NOB1: variants seen among roughly 807,000 people sequenced by gnomAD.
NOB1 encodes the protein RNA-binding protein NOB1.
Under a neutral mutation model 44.8 loss-of-function variants are expected in NOB1, and 44 were observed. That is an observed-to-expected ratio of 0.98 (90% CI 0.77 to 1.26). The LOEUF is 1.26. Among genes scored for constraint, NOB1 ranks in the 50% most tolerant of loss-of-function variants. The pLI, the probability that NOB1 is intolerant of heterozygous loss-of-function variation, is 0.00. For synonymous variants in NOB1, 238 were observed against 218.7 expected (o/e 1.09, Z -0.78); for missense variants, 560 against 544.8 (o/e 1.03, Z -0.28).
intron 2 of NOB1, among the ~76,000 whole-genome samples, chr16:69,753,995 G>A (rs1214487898): frequency 6.6e-6 from 1 of 152,154 alleles, no homozygotes; most frequent in South Asian, 2.1e-4. Flanking sequence ...AGTAGAGGCA[G>A]GGTTTCACCA....
Position 69,748,259 on chromosome 16 carries a change from T to C in NOB1, c.797A>G (p.Tyr266Cys), listed in dbSNP as rs2151753747. 2 of 1,614,006 alleles carry C rather than the reference T, an allele frequency of 1.2e-6. No homozygotes were observed. The highest frequency in any genetic ancestry group is 2.2e-5 in the East Asian group (1 of 44,882). The change falls in exon 7 of 9, where the codon TAC (tyrosine) becomes TGC (cysteine). Residue 266 changes from tyrosine to cysteine, a missense_variant. Transcript: ENST00000268802. ...NGMLIREARS[Y>C]ILRCHGCFKT... ...GAAACAGCCATGGCAGCGCAAGATG[T>C]AGCTCCGGGCCTCACGAATCAGCAT...
chr16:69,752,171 T>C, intron 3 of NOB1, 70 bp downstream of exon 3: 1 of 1,471,760 alleles, frequency 6.8e-7, no homozygotes, highest in East Asian at 2.3e-5. Context: ...ATTACACTAG[T>C]CCTTCTACTT....
At chr16:69,748,456 G>C in intron 6 of NOB1, 127 bp from the exon 7 acceptor site, 1 of 771,930 alleles carries the variant, frequency 1.3e-6, no homozygotes. Context: ...AACTCAGCCT[G>C]GGGAGGCCTC....
At chr16:69,752,167 C>T in intron 3 of NOB1, 74 bp downstream of exon 3, 1 of 1,441,588 alleles carries the variant, frequency 6.9e-7, no homozygotes, top group Non-Finnish European at 9.7e-7. Flanking sequence ...GTCCATTACA[C>T]TAGTCCTTCT....
At position 69,747,857 on chromosome 16, in the gene NOB1, T is replaced by C. The variant is rs146361714; in HGVS notation, c.824+375A>G. Among the ~76,000 whole-genome samples, 732 of 152,090 alleles carry C rather than the reference T, an allele frequency of 4.8e-3. 10 individuals carry two copies. The highest frequency in any genetic ancestry group is 0.017 in the African/African-American group (694 of 41,474). ...GTAGGGTTCTCTTTAAACAAGTCTG[T>C]AGAAGAAACAGGAATAGTGGCCAGG... On this transcript the variant is annotated intron_variant, in intron 7 of 8. Coordinates refer to ENST00000268802, the MANE Select transcript of NOB1 (RefSeq NM_014062.3).
intron 6 of NOB1, chr16:69,748,649 G>A (rs1039735343): frequency 3.8e-6 from 2 of 529,474 alleles, no homozygotes; most frequent in African/African-American, 3.8e-5. Context: ...GAACCTGACT[G>A]ACCACATGGC....
intron 3 of NOB1, among the ~76,000 whole-genome samples, chr16:69,751,749 C>T (rs1050053666): frequency 9.9e-5 from 15 of 152,124 alleles, no homozygotes; most frequent in Admixed American, 9.8e-4. Context: ...AAATAGTATA[C>T]GATGTCTGAG....
In NOB1 at chr16:69,752,138, G is replaced by A; in HGVS notation, c.327+103C>T. 3 of 1,011,390 alleles carry A rather than the reference G, an allele frequency of 3.0e-6. No individual in the cohort carries two copies. In the South Asian group the frequency reaches 4.2e-5, roughly 14 times the overall value. 62.7% of individuals were successfully genotyped at this position (1,011,390 alleles called of 1,614,324 possible). A position where few individuals can be genotyped will look rare whatever the true frequency, so the allele number is the denominator to read the frequency against. On this transcript the variant is annotated intron_variant, in intron 3 of 8. Coordinates refer to ENST00000268802, the MANE Select transcript of NOB1 (RefSeq NM_014062.3). ...ACTAGCTAAGAGATAATTGGAGGGG[G>A]GGATGATGGGAACCCTGGGTCCATT...
Position 69,754,834 on chromosome 16 carries a change from G to A in NOB1, c.63+14C>T, listed in dbSNP as rs2038512697. On this transcript the variant is annotated intron_variant, in intron 1 of 8. Transcript: ENST00000268802. ...AGCCCAGATCTCTCTCGTCCCGGAGGGAGCTCCCCGTACCTGCAGAGCCGC... is the reference window on the plus strand; with the variant it reads ...AGCCCAGATCTCTCTCGTCCCGGAGAGAGCTCCCCGTACCTGCAGAGCCGC... The A allele has an allele frequency of 3.1e-6, 5 of 1,604,480 alleles. No homozygotes were observed. The South Asian group carries it at 3.3e-5, about 11-fold the overall frequency.
intron 2 of NOB1, 107 bp from the exon 3 acceptor site, chr16:69,752,478 TATCA>T: frequency 8.7e-7 from 1 of 1,143,332 alleles, no homozygotes; most frequent in South Asian, 1.5e-5. Flanking sequence ...ATAATGGAAG[TATCA>T]AAACAATTTA....
Position 69,745,872 on chromosome 16 carries a change from A to C in NOB1, c.825-855T>G, listed in dbSNP as rs1186097011. On this transcript the variant is annotated intron_variant, in intron 7 of 8. Transcript: ENST00000268802. ...TGGGACCTAATTATTTTGTACATCAAACTGTGCAGTCACGGGGCTAATCTG... is the reference window on the plus strand; with the variant it reads ...TGGGACCTAATTATTTTGTACATCACACTGTGCAGTCACGGGGCTAATCTG... Among the ~76,000 whole-genome samples, 8 of 152,342 alleles carry C rather than the reference A, an allele frequency of 5.3e-5. No homozygotes were observed. In the East Asian group the frequency reaches 1.5e-3, roughly 29 times the overall value.
Position 69,754,889 on chromosome 16 carries a change from C to T in NOB1, c.22G>A (p.Val8Met). The T allele has an allele frequency of 6.3e-7, 1 of 1,594,002 alleles. No homozygotes were observed. Among genetic ancestry groups the T allele is most frequent in the Non-Finnish European group, 8.5e-7 (1 of 1,171,348 alleles). Residue 8 changes from valine (V) to methionine (M), a missense_variant, in exon 1 of 9, where the codon GTG becomes ATG. Physicochemically the swap from Val to Met is conservative, Grantham distance 21 (BLOSUM62 1). Transcript: ENST00000268802. Reference sequence around the variant, plus strand: ...CGCAGGAAAGCCCCAGCATCCGCCACAACGTGCTCCACTGGAGCCATGTTG... The same window carrying T: ...CGCAGGAAAGCCCCAGCATCCGCCATAACGTGCTCCACTGGAGCCATGTTG... MAPVEHV[V>M]ADAGAFLRHA...
intron 7 of NOB1, among the ~76,000 whole-genome samples, chr16:69,745,891 T>A (rs1270011004): frequency 6.6e-6 from 1 of 152,242 alleles, no homozygotes; most frequent in African/African-American, 2.4e-5. Context: ...GTCACGGGGC[T>A]AATCTGACAA....
intron 8 of NOB1, among the ~76,000 whole-genome samples, chr16:69,743,654 A>C (rs1177277508): frequency 3.7e-5 from 1 of 26,914 alleles, no homozygotes. Context: ...CATACTCTTC[A>C]AAAGTGTCAA....
Position 69,745,026 on chromosome 16 carries a change from C to G in NOB1, c.825-9G>C. 1 of 1,613,884 alleles carries G rather than the reference C, an allele frequency of 6.2e-7. No individual in the cohort carries two copies. The highest frequency in any genetic ancestry group is 8.5e-7 in the Non-Finnish European group (1 of 1,179,868). On this transcript the variant is annotated splice_polypyrimidine_tract_variant and intron_variant, in intron 7 of 8. Transcript: ENST00000268802. ...TCATGTCAGACGTTGTCCTGGGAGA[C>G]ACAAAAGGAGATGATCTGTACCAAA...
intron 2 of NOB1, among the ~76,000 whole-genome samples, chr16:69,753,754 C>G (rs945997922): frequency 6.6e-6 from 1 of 152,196 alleles, no homozygotes; most frequent in African/African-American, 2.4e-5. Context: ...CCTTGATTCC[C>G]AACAAGAGAA....
chr16:69,752,364 C>G lies in NOB1; in HGVS notation c.204G>C (p.Glu68Asp), dbSNP rs1247780048. The change falls in exon 3 of 9, where the codon GAG (glutamate) becomes GAC (aspartate). Residue 68 changes from glutamate to aspartate, a missense_variant. Glu to Asp is a conservative substitution (Grantham distance 45). Transcript: ENST00000268802. ...PLPEYVRLVTEFSKKTGDYPS... is the reference protein window; with the variant it reads ...PLPEYVRLVTDFSKKTGDYPS... ...GGTAGTCTCCTGTTTTCTTTGAAAA[C>G]TCAGTCACTGTAAACAACAGATTTA... 2 of 1,612,874 alleles carry G rather than the reference C, an allele frequency of 1.2e-6. No individual in the cohort carries two copies. The highest frequency in any genetic ancestry group is 1.6e-4 in the Middle Eastern group (1 of 6,082).
intron 8 of NOB1, among the ~76,000 whole-genome samples, chr16:69,743,307 T>C (rs2038400433): frequency 6.6e-6 from 1 of 152,174 alleles, no homozygotes; most frequent in Non-Finnish European, 1.5e-5. Context: ...AAATCACCAT[T>C]TGGCAATAAT....
chr16:69,750,164 C>T (rs1283327293), intron 3 of NOB1, among the ~76,000 whole-genome samples: 1 of 151,498 alleles, frequency 6.6e-6, no homozygotes, highest in Non-Finnish European at 1.5e-5. Flanking sequence ...CCACCATGCC[C>T]CACTGATTTT....
Sources: allele counts gnomAD v4.1 joint callset (sites outside exome capture counted in the v4.1 genomes callset), GRCh38; gene constraint gnomAD v4.1.1; transcripts MANE v1.5; gene names NCBI Gene and HGNC (gene_info 2026-07-23, HGNC 2026-07-21).